RNH1: variants seen among roughly 807,000 people sequenced by gnomAD.
The protein encoded by RNH1 is ribonuclease/angiogenin inhibitor 1, also known as ribonuclease inhibitor.
In RNH1, 38 loss-of-function variants were observed where a neutral mutation model predicts 46.1. That is an observed-to-expected ratio of 0.82 (90% CI 0.64 to 1.08). The LOEUF (loss-of-function observed/expected upper bound fraction) is 1.08, where lower values mean the gene tolerates loss of function less well. Ranked by LOEUF, RNH1 falls within the 50% of genes least tolerant of loss-of-function variation. The pLI is 0.00. For missense variants in RNH1, 577 were observed against 590.7 expected (o/e 0.98, Z 0.24); for synonymous variants, 319 against 279.1 (o/e 1.14, Z -1.43).
Position 494,899 on chromosome 11 carries a change from G to A in RNH1, c.1282C>T (p.Leu428Phe), listed in dbSNP as rs1240860932. 6.2e-7 allele frequency: 1 copy of A among 1,611,876 alleles called. No individual in the cohort carries two copies. Among genetic ancestry groups the A allele is most frequent in the Non-Finnish European group, 8.5e-7 (1 of 1,179,356 alleles). ...TGCACATACACCAGCTGCTCCAGGA[G>A]GCAGCCCGGCTGCCGGACGCTCTCC... is the stretch of plus-strand genomic sequence containing the variant. ...LVESVRQPGC[L>F]LEQLVLYDIY... The change falls in exon 10 of 11, where the codon CTC (leucine) becomes TTC (phenylalanine). Residue 428 changes from leucine (L) to phenylalanine (F), a missense_variant. Leu to Phe is a conservative substitution (Grantham distance 22, BLOSUM62 0). Coordinates refer to ENST00000354420, the MANE Select transcript of RNH1 (RefSeq NM_203387.3).
At chr11:499,494 T>A (rs1044203676) in intron 5 of RNH1, 1 of 691,506 alleles carries the variant, frequency 1.4e-6, no homozygotes, top group Admixed American at 2.0e-5. Context: ...CAACTCACAA[T>A]GGCCGGGTCC....
rs368731048 is a variant in RNH1 at position 498,816 on chromosome 11, C to T, written c.732G>A (p.Met244Ile). The change falls in exon 7 of 11, where the codon ATG becomes ATA. Residue 244 changes from methionine to isoleucine, a missense_variant. Transcript: ENST00000354420. ...LGSNKLGDVGMAELCPGLLHP... is the reference protein window; with the variant it reads ...LGSNKLGDVGIAELCPGLLHP... ...GGAGCAGCCCTGGGCACAGCTCCGC[C>T]ATGCCCACATCACCCAGCTTGTTGC... 4.4e-6 allele frequency: 7 copies of T among 1,609,150 alleles called. No individual in the cohort carries two copies. Among genetic ancestry groups the T allele is most frequent in the Non-Finnish European group, 5.9e-6 (7 of 1,179,666 alleles).
rs369604821 is a variant in RNH1 at position 498,159 on chromosome 11, A to T, written c.957-18T>A. Reference sequence around the variant, plus strand: ...ACTTCACCCTGTGGACACAGACAGGACTGACGCCTGGCAGGGGCCCAGGCT... The same window carrying T: ...ACTTCACCCTGTGGACACAGACAGGTCTGACGCCTGGCAGGGGCCCAGGCT... On this transcript the variant is annotated intron_variant, in intron 8 of 10. Coordinates refer to ENST00000354420, the MANE Select transcript of RNH1 (RefSeq NM_203387.3). The T allele has an allele frequency of 6.2e-7, 1 of 1,604,808 alleles. No homozygotes were observed. The highest frequency in any genetic ancestry group is 2.2e-5 in the East Asian group (1 of 44,732).
At chr11:497,819 TCACA>T (rs770687577) in intron 9 of RNH1, 148 bp downstream of exon 9, 14 of 904,832 alleles carry the variant, frequency 1.5e-5, no homozygotes, top group African/African-American at 1.0e-4. Flanking sequence ...ACTCATATGC[TCACA>T]CACGTGCTCA....
intron 9 of RNH1, 46 bp from the exon 10 acceptor site, chr11:495,099 C>A (rs1313322812): frequency 1.3e-6 from 2 of 1,565,340 alleles, no homozygotes; most frequent in Non-Finnish European, 8.7e-7. Context: ...GTGCCTGGCA[C>A]CGCACTGACC....
intron 5 of RNH1, chr11:499,522 G>C (rs762198913): frequency 1.4e-5 from 10 of 697,232 alleles, no homozygotes; most frequent in Admixed American, 2.0e-5. Flanking sequence ...ACACTGAGGC[G>C]GTGAGTGGAA....
intron 9 of RNH1, among the ~76,000 whole-genome samples, chr11:495,604 T>C (rs1395334332): frequency 6.6e-6 from 1 of 152,138 alleles, no homozygotes; most frequent in African/African-American, 2.4e-5. Flanking sequence ...ACTGGACCTC[T>C]CCAAGGTGGG....
chr11:499,078 T>A lies in RNH1; in HGVS notation c.551A>T (p.Glu184Val). 6.2e-7 allele frequency: 1 copy of A among 1,613,392 alleles called. No homozygotes were observed. The highest frequency in any genetic ancestry group is 8.5e-7 in the Non-Finnish European group (1 of 1,179,960). ...CTGGCACAGCACACGGACGCCAGCCTCATTGATGTCGTTGTTGCTAACCGT... is the reference window on the plus strand; with the variant it reads ...CTGGCACAGCACACGGACGCCAGCCACATTGATGTCGTTGTTGCTAACCGT... The part of the protein sequence containing the change: ...ELTVSNNDIN[E>V]AGVRVLCQGL... Residue 184 changes from glutamate to valine, a missense_variant, in exon 6 of 11, where the codon GAG (glutamate) becomes GTG (valine). By Grantham distance (121) the Glu-to-Val change is moderately radical. Coordinates refer to ENST00000354420, the MANE Select transcript of RNH1 (RefSeq NM_203387.3).
At chr11:496,658 G>C (rs1282916590) in intron 9 of RNH1, among the ~76,000 whole-genome samples, 1 of 152,156 alleles carries the variant, frequency 6.6e-6, no homozygotes, top group African/African-American at 2.4e-5. Context: ...GACAGAGCAA[G>C]ACTCTCTCAA....
chr11:500,854 C>A, intron 3 of RNH1, 200 bp from the exon 4 acceptor site: 1 of 716,800 alleles, frequency 1.4e-6, no homozygotes, highest in Non-Finnish European at 2.5e-6. Context: ...CGTGGCCAGG[C>A]GCGGTGGCTC....
chr11:494,817 T>TC, intron 10 of RNH1, 39 bp from the exon 11 acceptor site: 1 of 1,610,886 alleles, frequency 6.2e-7, no homozygotes. Context: ...GCCCGTGTCC[T>TC]CCCCCACCCC....
At position 498,637 on chromosome 11, in the gene RNH1, A is replaced by G. The variant is rs112857687; in HGVS notation, c.786-10T>C. 1 of 1,611,492 alleles carries G rather than the reference A, an allele frequency of 6.2e-7. No homozygotes were observed. Among genetic ancestry groups the G allele is most frequent in the Non-Finnish European group, 8.5e-7 (1 of 1,179,922 alleles). On this transcript the variant is annotated splice_polypyrimidine_tract_variant and intron_variant, in intron 7 of 10. Coordinates refer to ENST00000354420, the MANE Select transcript of RNH1 (RefSeq NM_203387.3). ...GCCACACTCCCAGATCCTGCAGGACATGGACCACCACAGACTTTCCTCAGC... is the reference window on the plus strand; with the variant it reads ...GCCACACTCCCAGATCCTGCAGGACGTGGACCACCACAGACTTTCCTCAGC...
chr11:499,523 G>A, intron 5 of RNH1: 2 of 698,130 alleles, frequency 2.9e-6, no homozygotes, highest in Non-Finnish European at 5.2e-6. Flanking sequence ...CACTGAGGCG[G>A]TGAGTGGAAC....
chr11:498,503 G>T lies in RNH1; in HGVS notation c.910C>A (p.Leu304Met), dbSNP rs17849763. The T allele has an allele frequency of 1.9e-6, 3 of 1,613,326 alleles. No homozygotes were observed. Among genetic ancestry groups the T allele is most frequent in the Non-Finnish European group, 1.7e-6 (2 of 1,180,030 alleles). ...NELGDEGARL[L>M]CETLLEPGCQ... is the part of the protein sequence containing the mutation. Reference sequence around the variant, plus strand: ...CCAGGTTCCAGCAGGGTCTCACACAGCAGTCGGGCACCCTCATCCCCCAGC... The same window carrying T: ...CCAGGTTCCAGCAGGGTCTCACACATCAGTCGGGCACCCTCATCCCCCAGC... The change falls in exon 8 of 11, where the codon CTG becomes ATG. Residue 304 changes from leucine to methionine, a missense_variant. By Grantham distance (15) the Leu-to-Met change is conservative. Coordinates refer to ENST00000354420, the MANE Select transcript of RNH1 (RefSeq NM_203387.3).
In RNH1 at chr11:500,636, G is replaced by A. The variant is rs771025447; in HGVS notation, c.120C>T (p.Leu40=). Residue 40 remains leucine (L), a synonymous_variant, in exon 4 of 11, where the codon CTC becomes CTT. Transcript: ENST00000354420. ...TGATGTCCTTGCACCGTGCTTCCGTGAGGCCACAGTCGTCCAGCCTGTGAG... is the reference window on the plus strand; with the variant it reads ...TGATGTCCTTGCACCGTGCTTCCGTAAGGCCACAGTCGTCCAGCCTGTGAG... ...CQVVRLDDCG[L]TEARCKDISS... 2 of 1,606,634 alleles carry A rather than the reference G, an allele frequency of 1.2e-6. No homozygotes were observed. Among genetic ancestry groups the A allele is most frequent in the Non-Finnish European group, 8.5e-7 (1 of 1,179,826 alleles).
Position 501,923 on chromosome 11 carries a change from C to A in RNH1, c.101+139G>T. On this transcript the variant is annotated intron_variant, in intron 3 of 10. Coordinates refer to ENST00000354420, the MANE Select transcript of RNH1 (RefSeq NM_203387.3). This position sits in a 1 kb window ranked among gnomAD's most constrained non-coding sequence, Gnocchi z 4.1. ...AAAAAGAAACACAAGAATCACATCT[C>A]ATGCACGTGGTAGCTGCACAGAATT... 1 of 622,782 alleles carries A rather than the reference C, an allele frequency of 1.6e-6. No homozygotes were observed. The highest frequency in any genetic ancestry group is 2.9e-6 in the Non-Finnish European group (1 of 346,770). 38.6% of individuals were successfully genotyped at this position (622,782 alleles called of 1,614,324 possible). A position where few individuals can be genotyped will look rare whatever the true frequency, so the allele number is the denominator to read the frequency against.
chr11:500,648 G>A lies in RNH1; in HGVS notation c.108C>T (p.Asp36=), dbSNP rs147473996. Residue 36 remains aspartate (D), a synonymous_variant, in exon 4 of 11, where the codon GAC becomes GAT. Coordinates refer to ENST00000354420, the MANE Select transcript of RNH1 (RefSeq NM_203387.3). Reference sequence around the variant, plus strand: ...ACCGTGCTTCCGTGAGGCCACAGTCGTCCAGCCTGTGAGCAGACCCCAGGG... The same window carrying A: ...ACCGTGCTTCCGTGAGGCCACAGTCATCCAGCCTGTGAGCAGACCCCAGGG... ...LLQQCQVVRL[D]DCGLTEARCK... 4.5e-5 allele frequency: 72 copies of A among 1,604,748 alleles called. No homozygotes were observed. The highest frequency in any genetic ancestry group is 5.0e-5 in the Admixed American group (3 of 59,990).
chr11:497,503 G>A (rs757322010), intron 9 of RNH1, among the ~76,000 whole-genome samples: 1 of 138,818 alleles, frequency 7.2e-6, no homozygotes, highest in African/African-American at 2.7e-5. Context: ...ACGGACACTC[G>A]TGCTCATTCT....
intron 9 of RNH1, among the ~76,000 whole-genome samples, chr11:497,522 T>A (rs1849251940): frequency 7.3e-6 from 1 of 137,214 alleles, no homozygotes; most frequent in Non-Finnish European, 1.5e-5. Context: ...CTTGCCCATG[T>A]GCTCACACAC....
Sources: gnomAD v4.1 joint callset for allele counts (sites outside exome capture counted in the v4.1 genomes callset) on GRCh38, gnomAD v4.1.1 for gene constraint, Gnocchi (gnomAD v3.1) non-coding constraint, MANE v1.5 for transcripts, NCBI Gene and HGNC (gene_info 2026-07-23, HGNC 2026-07-21) for gene names.